The following AGMO variants were observed in gnomAD, a reference collection of about 807,000 sequenced individuals.
The protein encoded by AGMO is alkylglycerol monooxygenase.
A neutral mutation model predicts 60.2 loss-of-function variants in AGMO; 75 were observed. The observed-to-expected ratio is 1.25, with a 90% CI of 1.03 to 1.51. AGMO has a LOEUF of 1.51. AGMO is among the 40% of genes most tolerant of loss of function. AGMO has a pLI of 0.00. For synonymous variants in AGMO, 261 were observed against 177.1 expected (o/e 1.47, Z -3.76); for missense variants, 763 against 525.5 (o/e 1.45, Z -4.42).
In AGMO at chr7:15,416,073, G is replaced by T. The variant is rs1418554729; in HGVS notation, c.609+2485C>A. ...GGTGGGCAGGGAGTCTCCCTCTGTCGCCCAGGCTGGAGTGCAGTGGCATGA... is the reference window on the plus strand; with the variant it reads ...GGTGGGCAGGGAGTCTCCCTCTGTCTCCCAGGCTGGAGTGCAGTGGCATGA... On this transcript the variant is annotated intron_variant, in intron 5 of 12. Coordinates refer to ENST00000342526, the MANE Select transcript of AGMO (RefSeq NM_001004320.2). 5.9e-5 allele frequency among the ~76,000 whole-genome samples: 8 copies of T among 135,428 alleles called. No homozygotes were observed. In the East Asian group the frequency reaches 1.7e-3, roughly 28 times the overall value. 88.8% of individuals were successfully genotyped at this position (135,428 alleles called of 152,430 possible).
intron 5 of AGMO, among the ~76,000 whole-genome samples, chr7:15,404,681 CCA>C (rs749812660): frequency 2.0e-4 from 30 of 151,790 alleles, no homozygotes; most frequent in Non-Finnish European, 3.8e-4. Context: ...AAACTCCAAT[CCA>C]CAGTCTTATG....
the AGMO span, among the ~76,000 whole-genome samples, chr7:15,153,121 C>A: frequency 1.3e-5 from 2 of 151,170 alleles, no homozygotes; most frequent in African/African-American, 2.4e-5. Context: ...GTTTGTTGGC[C>A]CCTTGTATAT....
intron 2 of AGMO, among the ~76,000 whole-genome samples, chr7:15,547,341 G>C (rs1439046745): frequency 3.3e-5 from 5 of 152,084 alleles, no homozygotes; most frequent in Non-Finnish European, 7.4e-5. Flanking sequence ...GAACAGCTCC[G>C]GTCTACAGCT....
At chr7:15,380,401 C>T (rs1356723123) in intron 10 of AGMO, among the ~76,000 whole-genome samples, 1 of 152,000 alleles carries the variant, frequency 6.6e-6, no homozygotes, top group East Asian at 1.9e-4. Context: ...GAATGAACTC[C>T]CATTAATAAT....
At chr7:15,151,047 G>A in the AGMO span, among the ~76,000 whole-genome samples, 1 of 152,034 alleles carries the variant, frequency 6.6e-6, no homozygotes, top group African/African-American at 2.4e-5. Context: ...TCAGTCTTGG[G>A]AGGTTGTATA....
intron 12 of AGMO, among the ~76,000 whole-genome samples, chr7:15,326,310 A>C (rs1781338192): frequency 6.6e-6 from 1 of 152,178 alleles, no homozygotes; most frequent in African/African-American, 2.4e-5. Context: ...AATGACATAT[A>C]ATCAGTTTAA....
intron 10 of AGMO, among the ~76,000 whole-genome samples, chr7:15,368,966 C>A (rs1783095079): frequency 6.6e-6 from 1 of 152,108 alleles, no homozygotes; most frequent in African/African-American, 2.4e-5. Flanking sequence ...AAAACACTGC[C>A]TTTGAGCTCC....
the AGMO span, among the ~76,000 whole-genome samples, chr7:15,137,202 G>A: frequency 7.9e-5 from 12 of 152,024 alleles, no homozygotes; most frequent in Admixed American, 3.9e-4. Flanking sequence ...CACATTTGTC[G>A]GTAACTTGTA....
intron 1 of AGMO, among the ~76,000 whole-genome samples, chr7:15,561,457 C>T (rs560872209): frequency 6.6e-6 from 1 of 152,210 alleles, no homozygotes; most frequent in Non-Finnish European, 1.5e-5. Flanking sequence ...GCCATGGAGT[C>T]CAGGAAAACT....
intron 3 of AGMO, among the ~76,000 whole-genome samples, chr7:15,483,234 A>G (rs892209571): frequency 6.6e-6 from 1 of 152,304 alleles, no homozygotes; most frequent in South Asian, 2.1e-4. Context: ...ATTTATACAA[A>G]CTAGTATGAA....
At chr7:15,394,855 C>T (rs1042713517) in intron 5 of AGMO, among the ~76,000 whole-genome samples, 3 of 152,160 alleles carry the variant, frequency 2.0e-5, no homozygotes, top group African/African-American at 7.2e-5. Context: ...CTTAGAGGCA[C>T]AATTCGAAGT....
intron 12 of AGMO, among the ~76,000 whole-genome samples, chr7:15,320,124 A>AAGC (rs397972594): frequency 2.9e-5 from 3 of 103,506 alleles, no homozygotes; most frequent in African/African-American, 1.1e-4. Flanking sequence ...GGGGTGGGGG[A>AAGC]GGGGGAAGGG....
chr7:15,182,059 T>C, the AGMO span, among the ~76,000 whole-genome samples: 1 of 152,150 alleles, frequency 6.6e-6, no homozygotes, highest in Non-Finnish European at 1.5e-5. Context: ...GATACATCAG[T>C]AAATCTTAAA....
intron 4 of AGMO, among the ~76,000 whole-genome samples, chr7:15,419,426 G>A (rs182520522): frequency 6.6e-6 from 1 of 151,830 alleles, no homozygotes; most frequent in African/African-American, 2.4e-5. Flanking sequence ...AACCAAATGA[G>A]AATAAAATGA....
At chr7:15,207,946 T>A (rs1781484122) in intron 12 of AGMO, among the ~76,000 whole-genome samples, 1 of 151,792 alleles carries the variant, frequency 6.6e-6, no homozygotes, top group South Asian at 2.1e-4. Flanking sequence ...AAAAATAAAG[T>A]AAAATAAAAT....
intron 5 of AGMO, among the ~76,000 whole-genome samples, chr7:15,406,310 T>C (rs1419412012): frequency 1.4e-5 from 2 of 142,140 alleles, no homozygotes; most frequent in Admixed American, 7.2e-5. Flanking sequence ...GGAATATACA[T>C]ATATATGTGT....
At chr7:15,296,381 C>G (rs1298885199) in intron 12 of AGMO, among the ~76,000 whole-genome samples, 2 of 152,248 alleles carry the variant, frequency 1.3e-5, no homozygotes, top group East Asian at 3.9e-4. Flanking sequence ...ACTCATTTGT[C>G]TAACCACATA....
At chr7:15,172,037 C>T in the AGMO span, among the ~76,000 whole-genome samples, 1 of 152,090 alleles carries the variant, frequency 6.6e-6, no homozygotes, top group African/African-American at 2.4e-5. Context: ...CAGTGATGTG[C>T]TCTTTTTTTT....
At chr7:15,493,569 G>T (rs569878747) in intron 3 of AGMO, among the ~76,000 whole-genome samples, 1 of 151,326 alleles carries the variant, frequency 6.6e-6, no homozygotes, top group East Asian at 1.9e-4. Flanking sequence ...TAGAGACGGG[G>T]TTTCACTGTG....
Sources: gnomAD v4.1 joint callset for allele counts (sites outside exome capture counted in the v4.1 genomes callset) on GRCh38, gnomAD v4.1.1 for gene constraint, MANE v1.5 for transcripts, NCBI Gene and HGNC (gene_info 2026-07-23, HGNC 2026-07-21) for gene names.